The following SPIDR variants were observed in gnomAD, a reference collection of about 807,000 sequenced individuals.
SPIDR encodes DNA repair-scaffolding protein.
A neutral mutation model predicts 104.6 loss-of-function variants in SPIDR; 93 were observed. The observed-to-expected ratio is 0.89, with a 90% CI of 0.75 to 1.06. The LOEUF (loss-of-function observed/expected upper bound fraction) is 1.06. Ranked by LOEUF, SPIDR falls within the 50% of genes least tolerant of loss-of-function variation. SPIDR has a pLI of 0.00. For synonymous variants in SPIDR, 431 were observed against 416.9 expected, an observed-to-expected ratio of 1.03 and a Z score of -0.41; for missense variants, 1,154 against 1,111.2, an observed-to-expected ratio of 1.04 and a Z score of -0.55.
At chr8:47,638,146 A>G (rs1471528056) in intron 10 of SPIDR, among the ~76,000 whole-genome samples, 2 of 151,320 alleles carry the variant, frequency 1.3e-5, no homozygotes, top group African/African-American at 2.4e-5. Flanking sequence ...TGTTTTGAGT[A>G]CTTCTTTACT....
chr8:47,459,255 T>C (rs1283265028), intron 8 of SPIDR, among the ~76,000 whole-genome samples: 1 of 152,166 alleles, frequency 6.6e-6, no homozygotes, highest in African/African-American at 2.4e-5. Context: ...CAGCTGTGAA[T>C]CTGTCTGGTC....
intron 10 of SPIDR, among the ~76,000 whole-genome samples, chr8:47,646,494 C>A (rs566171026): frequency 2.6e-5 from 4 of 152,230 alleles, no homozygotes; most frequent in Non-Finnish European, 5.9e-5. Context: ...TTTGTGATAG[C>A]AAGTGGAAAT....
intron 5 of SPIDR, among the ~76,000 whole-genome samples, chr8:47,350,895 G>A (rs74489263): frequency 0.036 from 5,492 of 152,210 alleles, 313 homozygotes; most frequent in African/African-American, 0.13. Flanking sequence ...GAAAATTCTA[G>A]GAGTGATTAA....
intron 5 of SPIDR, among the ~76,000 whole-genome samples, chr8:47,345,820 C>T (rs973327000): frequency 1.9e-4 from 29 of 151,958 alleles, no homozygotes; most frequent in Admixed American, 1.4e-3. Context: ...TTTTGTATCC[C>T]GAGACTTTGC....
chr8:47,651,955 G>A (rs1343549336), intron 10 of SPIDR, among the ~76,000 whole-genome samples: 1 of 152,110 alleles, frequency 6.6e-6, no homozygotes, highest in East Asian at 1.9e-4. Flanking sequence ...GACTTAGATG[G>A]GGGAGAGTGG....
intron 5 of SPIDR, among the ~76,000 whole-genome samples, chr8:47,380,660 G>C (rs1193783892): frequency 6.6e-6 from 1 of 152,122 alleles, no homozygotes; most frequent in Non-Finnish European, 1.5e-5. Flanking sequence ...TTTGAGTTAA[G>C]TTCTCTCCTT....
At chr8:47,303,603 T>C (rs2042619149) in intron 5 of SPIDR, among the ~76,000 whole-genome samples, 1 of 152,162 alleles carries the variant, frequency 6.6e-6, no homozygotes, top group African/African-American at 2.4e-5. Context: ...TTTCCATATC[T>C]ATTCAGGTGA....
rs888731063 is a variant in SPIDR at position 47,268,762 on chromosome 8, T to C, written c.33+7771T>C. Among the ~76,000 whole-genome samples, 426 of 152,062 alleles carry C rather than the reference T, an allele frequency of 2.8e-3. 1 individual carries two copies. The highest frequency in any genetic ancestry group is 0.01 in the African/African-American group (415 of 41,498). ...CATGAGCCAGCCGCACCCAGCTCCATTGATTTTTTTAAATATTGAGATTGT... is the reference window on the plus strand; with the variant it reads ...CATGAGCCAGCCGCACCCAGCTCCACTGATTTTTTTAAATATTGAGATTGT... On this transcript the variant is annotated intron_variant, in intron 1 of 19. Coordinates refer to ENST00000297423, the MANE Select transcript of SPIDR (RefSeq NM_001080394.4).
rs192195835 is a variant in SPIDR at position 47,607,865 on chromosome 8, A to G, written c.1544+8669A>G. Among the ~76,000 whole-genome samples, 399 of 151,306 alleles carry G rather than the reference A, an allele frequency of 2.6e-3. 1 individual carries two copies. Among genetic ancestry groups the G allele is most frequent in the Middle Eastern group, 0.01 (3 of 292 alleles). On this transcript the variant is annotated intron_variant, in intron 10 of 19. Coordinates refer to ENST00000297423, the MANE Select transcript of SPIDR (RefSeq NM_001080394.4). ...TAGTGTTTATGGTTCTGTCATGTAT[A>G]CATAGTTCCAATCTAGAAATTGGAA...
At chr8:47,330,033 T>C (rs536066070) in intron 5 of SPIDR, among the ~76,000 whole-genome samples, 1 of 152,362 alleles carries the variant, frequency 6.6e-6, no homozygotes, top group Admixed American at 6.5e-5. Flanking sequence ...CACCCAGATT[T>C]TTCATGTGGA....
intron 8 of SPIDR, among the ~76,000 whole-genome samples, chr8:47,522,266 G>A (rs1217800598): frequency 6.6e-6 from 1 of 151,940 alleles, no homozygotes; most frequent in Non-Finnish European, 1.5e-5. Flanking sequence ...CCTCCTGTGC[G>A]CCACTCTTCC....
intron 11 of SPIDR, among the ~76,000 whole-genome samples, chr8:47,675,986 T>C (rs1218591142): frequency 6.6e-6 from 1 of 152,220 alleles, no homozygotes; most frequent in Admixed American, 6.5e-5. Context: ...GTTCCAGCTG[T>C]GCTCCAGGCC....
intron 10 of SPIDR, among the ~76,000 whole-genome samples, chr8:47,625,234 C>A (rs571886336): frequency 6.6e-6 from 1 of 152,092 alleles, no homozygotes; most frequent in African/African-American, 2.4e-5. Flanking sequence ...ATGAGACGTA[C>A]CTCAAAATAA....
chr8:47,462,214 C>G (rs2074057946), intron 8 of SPIDR, among the ~76,000 whole-genome samples: 1 of 152,126 alleles, frequency 6.6e-6, no homozygotes, highest in Admixed American at 6.5e-5. Context: ...GCAGGGCTGC[C>G]AAGCCCTCGA....
intron 11 of SPIDR, among the ~76,000 whole-genome samples, chr8:47,674,386 T>A (rs1487377112): frequency 6.6e-6 from 1 of 152,206 alleles, no homozygotes; most frequent in Non-Finnish European, 1.5e-5. Flanking sequence ...TCTGCCAGGT[T>A]TCATGGCACC....
chr8:47,670,516 T>A (rs972584708), intron 10 of SPIDR, among the ~76,000 whole-genome samples: 4 of 152,174 alleles, frequency 2.6e-5, no homozygotes, highest in Non-Finnish European at 5.9e-5. Flanking sequence ...CAACTTTATT[T>A]TCTTGGCCAT....
intron 5 of SPIDR, among the ~76,000 whole-genome samples, chr8:47,334,720 T>A (rs2049373726): frequency 6.6e-6 from 1 of 152,208 alleles, no homozygotes; most frequent in African/African-American, 2.4e-5. Context: ...TTTGACAATT[T>A]GTCTTTTAAT....
chr8:47,375,397 G>A (rs1208396687), intron 5 of SPIDR, among the ~76,000 whole-genome samples: 3 of 151,208 alleles, frequency 2.0e-5, no homozygotes, highest in Non-Finnish European at 4.4e-5. Flanking sequence ...GCACACCACC[G>A]TGCCCAGCTA....
chr8:47,500,965 T>C (rs1481002717), intron 8 of SPIDR, among the ~76,000 whole-genome samples: 1 of 152,230 alleles, frequency 6.6e-6, no homozygotes, highest in Non-Finnish European at 1.5e-5. Context: ...ATATGCGGCA[T>C]TATTTCTGAG....
Sources: gnomAD v4.1 joint callset for allele counts (sites outside exome capture counted in the v4.1 genomes callset) on GRCh38, gnomAD v4.1.1 for gene constraint, MANE v1.5 for transcripts, NCBI Gene and HGNC (gene_info 2026-07-23, HGNC 2026-07-21) for gene names.